BTG4: variants seen among roughly 807,000 people sequenced by gnomAD.
The protein encoded by BTG4 is BTG anti-proliferation factor 4.
BTG4 carries 10 observed loss-of-function variants against 19.3 expected under a neutral mutation model. The ratio of observed to expected loss-of-function variants is 0.52; its 90% CI spans 0.32 to 0.88. The LOEUF is 0.88. BTG4 is among the 40% of genes least tolerant of loss of function. The probability of loss-of-function intolerance (pLI) is 0.04; values close to 1 mark genes in which losing one functional copy is unlikely to be tolerated. For synonymous variants in BTG4, 91 were observed against 95.7 expected, an observed-to-expected ratio of 0.95 and a Z score of 0.29; for missense variants, 238 against 281.9, an observed-to-expected ratio of 0.84 and a Z score of 1.11.
chr11:111,458,714 C>G, the BTG4 span, among the ~76,000 whole-genome samples: 2 of 152,106 alleles, frequency 1.3e-5, no homozygotes, highest in Admixed American at 1.3e-4. Context: ...ACCGACAGCC[C>G]TGATACAAGG....
In BTG4 at chr11:111,507,358, GTTTTTGTTTTTTGTT is replaced by G. The variant is rs1328196132; in HGVS notation, c.-27+4808_-27+4822del. ...CTTTTATAAACCTGAAAATCTGAGG[GTTTTTGTTTTTTGTT>G]TTTTTGTTTTTTATTGTTTTTCATT... On this transcript the variant is annotated intron_variant, in intron 1 of 4. Coordinates refer to ENST00000692032, the MANE Select transcript of BTG4 (RefSeq NM_001367975.1). Among the ~76,000 whole-genome samples the G allele has an allele frequency of 8.6e-5, 13 of 152,026 alleles. No individual in the cohort carries two copies. In the East Asian group the frequency reaches 2.5e-3, roughly 29 times the overall value.
At chr11:111,426,250 A>G in the BTG4 span, among the ~76,000 whole-genome samples, 2 of 152,096 alleles carry the variant, frequency 1.3e-5, no homozygotes, top group African/African-American at 4.8e-5. Flanking sequence ...CCATGAAAGC[A>G]GTGACAGAGG....
At chr11:111,436,971 C>T in the BTG4 span, among the ~76,000 whole-genome samples, 43,763 of 152,184 alleles carry the variant, frequency 0.29, 6,966 homozygotes, top group Admixed American at 0.37. Context: ...GGCAAGCAGA[C>T]GCTGCAGGGC....
chr11:111,458,587 A>G, the BTG4 span, among the ~76,000 whole-genome samples: 2 of 152,144 alleles, frequency 1.3e-5, no homozygotes, highest in Non-Finnish European at 2.9e-5. Context: ...GGGGTCCTCT[A>G]GCTGCAAAGC....
chr11:111,451,356 CA>C, the BTG4 span: 2 of 449,224 alleles, frequency 4.5e-6, no homozygotes, highest in Non-Finnish European at 9.1e-6. Context: ...GCAGCAGTTC[CA>C]AAAGCCGGGC....
chr11:111,453,599 G>T, the BTG4 span: 3 of 440,528 alleles, frequency 6.8e-6, no homozygotes, highest in Non-Finnish European at 1.4e-5. Context: ...TGACAGGTGG[G>T]CTAGAATCCC....
At chr11:111,451,317 C>T in the BTG4 span, 6 of 425,200 alleles carry the variant, frequency 1.4e-5, no homozygotes, top group African/African-American at 2.0e-5. Flanking sequence ...GGAGTCCCAG[C>T]TCTATGAGCA....
intron 5 of BTG4, among the ~76,000 whole-genome samples, chr11:111,487,959 C>T (rs566928034): frequency 6.6e-6 from 1 of 152,022 alleles, no homozygotes; most frequent in East Asian, 1.9e-4. Flanking sequence ...AATTGAAGAG[C>T]ACACAAAAAA....
the BTG4 span, among the ~76,000 whole-genome samples, chr11:111,420,463 C>G: frequency 1.3e-5 from 2 of 152,202 alleles, no homozygotes. Flanking sequence ...AGGAAGAAGG[C>G]AGTGGGCATG....
intron 1 of BTG4, among the ~76,000 whole-genome samples, chr11:111,509,706 C>G (rs1046927348): frequency 6.8e-6 from 1 of 146,094 alleles, no homozygotes; most frequent in Admixed American, 6.7e-5. Context: ...CAAAAAAAAA[C>G]AAAAACAAAA....
chr11:111,469,555 A>G (rs762358342), intron 5 of BTG4, among the ~76,000 whole-genome samples: 20 of 152,132 alleles, frequency 1.3e-4, no homozygotes, highest in Non-Finnish European at 2.5e-4. Flanking sequence ...CCACTGCTTC[A>G]CAGAAGTGGT....
the BTG4 span, among the ~76,000 whole-genome samples, chr11:111,451,780 A>T: frequency 6.6e-6 from 1 of 152,052 alleles, no homozygotes. Context: ...AAAAATAAAT[A>T]CTGCCTCATA....
chr11:111,476,135 T>C (rs968502197), intron 5 of BTG4, among the ~76,000 whole-genome samples: 3 of 148,848 alleles, frequency 2.0e-5, no homozygotes, highest in African/African-American at 7.4e-5. Flanking sequence ...CCAGAATAGA[T>C]ACACACACAC....
At chr11:111,473,976 G>A (rs1380757029) in intron 5 of BTG4, among the ~76,000 whole-genome samples, 2 of 151,926 alleles carry the variant, frequency 1.3e-5, no homozygotes, top group African/African-American at 2.4e-5. Context: ...ACACGTTTTG[G>A]TTCCAAATCA....
At chr11:111,480,040 G>A in intron 5 of BTG4, among the ~76,000 whole-genome samples, 1 of 152,060 alleles carries the variant, frequency 6.6e-6, no homozygotes, top group Non-Finnish European at 1.5e-5. Context: ...CACCAGTTAA[G>A]AGACAGAAAT....
the BTG4 span, among the ~76,000 whole-genome samples, chr11:111,445,886 C>T: frequency 1.4e-4 from 22 of 152,190 alleles, no homozygotes; most frequent in Non-Finnish European, 1.0e-4. Flanking sequence ...CTACTACTCT[C>T]GCCAGTTGGA....
chr11:111,392,223 G>A, the BTG4 span, among the ~76,000 whole-genome samples: 2 of 119,996 alleles, frequency 1.7e-5, no homozygotes, highest in Non-Finnish European at 3.2e-5. Flanking sequence ...TGTCACCCAG[G>A]CTAGAGTGCA....
the BTG4 span, among the ~76,000 whole-genome samples, chr11:111,412,129 C>T: frequency 1.3e-5 from 2 of 152,140 alleles, no homozygotes; most frequent in Non-Finnish European, 2.9e-5. Context: ...CTACAATAGA[C>T]CAGAAAGCTA....
At chr11:111,389,790 A>G in the BTG4 span, among the ~76,000 whole-genome samples, 7 of 152,336 alleles carry the variant, frequency 4.6e-5, no homozygotes, top group Admixed American at 3.3e-4. Flanking sequence ...TTTTCTTTTA[A>G]AAAAACTCTC....
Sources: gnomAD v4.1 joint callset for allele counts (sites outside exome capture counted in the v4.1 genomes callset) on GRCh38, gnomAD v4.1.1 for gene constraint, MANE v1.5 for transcripts, NCBI Gene and HGNC (gene_info 2026-07-23, HGNC 2026-07-21) for gene names.